Variants in TMEFF2 observed in about 807,000 individuals in gnomAD.
The protein encoded by TMEFF2 is transmembrane protein with EGF like and two follistatin like domains 2.
Under a neutral mutation model 53.8 loss-of-function variants are expected in TMEFF2, and 28 were observed. That is an observed-to-expected ratio of 0.52 (90% CI 0.39 to 0.71). The LOEUF is 0.71. TMEFF2 is among the 30% of genes least tolerant of loss of function. The pLI, the probability that TMEFF2 is intolerant of heterozygous loss-of-function variation, is 0.00. For synonymous variants in TMEFF2, 162 were observed against 166.3 expected, an observed-to-expected ratio of 0.97 and a Z score of 0.20; for missense variants, 353 against 455.2, an observed-to-expected ratio of 0.78 and a Z score of 2.04.
intron 5 of TMEFF2, among the ~76,000 whole-genome samples, chr2:192,054,204 C>T (rs1234543850): frequency 1.3e-5 from 2 of 151,486 alleles, no homozygotes; most frequent in Non-Finnish European, 2.9e-5. Context: ...CAAGAGCTAA[C>T]TGATTTAGCA....
At chr2:192,003,928 T>TTGG (rs1553512503) in intron 5 of TMEFF2, among the ~76,000 whole-genome samples, 2 of 119,218 alleles carry the variant, frequency 1.7e-5, no homozygotes, top group African/African-American at 6.4e-5. Context: ...TGTGTGTGTG[T>TTGG]GGGGGGGGGG....
At chr2:192,065,457 T>A (rs568886823) in intron 4 of TMEFF2, among the ~76,000 whole-genome samples, 10 of 151,850 alleles carry the variant, frequency 6.6e-5, no homozygotes, top group African/African-American at 2.4e-4. Flanking sequence ...GACACAAAAA[T>A]ACTGGTTCTA....
chr2:192,011,263 A>G (rs182805588), intron 5 of TMEFF2, among the ~76,000 whole-genome samples: 1 of 152,312 alleles, frequency 6.6e-6, no homozygotes, highest in Non-Finnish European at 1.5e-5. Flanking sequence ...GACATTAAAG[A>G]AATGCTGAAA....
chr2:192,121,867 G>A (rs1689561737), intron 4 of TMEFF2, among the ~76,000 whole-genome samples: 1 of 152,120 alleles, frequency 6.6e-6, no homozygotes, highest in African/African-American at 2.4e-5. Flanking sequence ...TCTCAGAAAA[G>A]AAGATTCAGC....
rs146472848 is a variant in TMEFF2 at position 192,084,526 on chromosome 2, A to G, written c.440-26751T>C. ...ACCCAAAGTGGAAGGACTCTTACTG[A>G]AGAGAAGAAAAAGATAAAATCACAT... is the stretch of plus-strand genomic sequence containing the variant. On this transcript the variant is annotated intron_variant, in intron 4 of 9. Transcript: ENST00000272771. Among the ~76,000 whole-genome samples, 701 of 152,284 alleles carry G rather than the reference A, an allele frequency of 4.6e-3. 2 individuals carry two copies. The highest frequency in any genetic ancestry group is 8.5e-3 in the South Asian group (41 of 4,826).
chr2:192,141,312 G>T (rs1427839133), intron 4 of TMEFF2, among the ~76,000 whole-genome samples: 1 of 151,950 alleles, frequency 6.6e-6, no homozygotes, highest in Non-Finnish European at 1.5e-5. Context: ...AATTAGCCGG[G>T]CATGGTGGTG....
chr2:192,090,370 A>G (rs1688763655), intron 4 of TMEFF2, among the ~76,000 whole-genome samples: 3 of 152,184 alleles, frequency 2.0e-5, no homozygotes, highest in Admixed American at 2.0e-4. Flanking sequence ...TTAAGTGTGG[A>G]AAAAATGTAC....
At chr2:192,025,925 T>A (rs1686961002) in intron 5 of TMEFF2, among the ~76,000 whole-genome samples, 1 of 152,230 alleles carries the variant, frequency 6.6e-6, no homozygotes, top group Admixed American at 6.5e-5. Flanking sequence ...AACACATTTA[T>A]TTCTAAACTG....
intron 4 of TMEFF2, among the ~76,000 whole-genome samples, chr2:192,120,577 T>C (rs948314325): frequency 4.6e-5 from 7 of 152,198 alleles, no homozygotes; most frequent in Non-Finnish European, 1.0e-4. Flanking sequence ...TTGTGGAGAC[T>C]TTCTCTTCCC....
chr2:192,156,898 C>T (rs555668646), intron 4 of TMEFF2, among the ~76,000 whole-genome samples: 3 of 151,934 alleles, frequency 2.0e-5, no homozygotes, highest in Admixed American at 1.3e-4. Context: ...GAATTAAGGT[C>T]GAGAGAGGTT....
At chr2:192,190,833 A>G (rs1447002977) in intron 2 of TMEFF2, among the ~76,000 whole-genome samples, 2 of 152,118 alleles carry the variant, frequency 1.3e-5, no homozygotes, top group East Asian at 3.9e-4. Context: ...AATATTACTT[A>G]TTAACCAGAT....
At chr2:191,978,655 A>G (rs1290103441) in intron 7 of TMEFF2, among the ~76,000 whole-genome samples, 1 of 152,108 alleles carries the variant, frequency 6.6e-6, no homozygotes, top group Non-Finnish European at 1.5e-5. Flanking sequence ...TCCCTTATAA[A>G]TATGCTATAT....
At chr2:192,193,541 A>G (rs908982172) in intron 1 of TMEFF2, among the ~76,000 whole-genome samples, 2 of 152,122 alleles carry the variant, frequency 1.3e-5, no homozygotes, top group African/African-American at 2.4e-5. Context: ...GTCAGCGCCC[A>G]CTGAAGTCGG....
At chr2:191,984,719 A>T (rs1195150645) in intron 7 of TMEFF2, among the ~76,000 whole-genome samples, 1 of 152,116 alleles carries the variant, frequency 6.6e-6, no homozygotes, top group Admixed American at 6.6e-5. Flanking sequence ...ATTAGTTAGA[A>T]ACCCATTAGG....
chr2:192,132,958 A>G (rs918367112), intron 4 of TMEFF2, among the ~76,000 whole-genome samples: 1 of 152,142 alleles, frequency 6.6e-6, no homozygotes, highest in Non-Finnish European at 1.5e-5. Context: ...TAACTCTCAC[A>G]GTGGAAAGTA....
At chr2:192,141,367 C>T (rs1325265009) in intron 4 of TMEFF2, among the ~76,000 whole-genome samples, 3 of 149,356 alleles carry the variant, frequency 2.0e-5, no homozygotes, top group Non-Finnish European at 3.0e-5. Flanking sequence ...GCAGTGGAAT[C>T]GTTTGAGCCC....
At chr2:192,046,276 A>T (rs186050608) in intron 5 of TMEFF2, among the ~76,000 whole-genome samples, 26 of 152,292 alleles carry the variant, frequency 1.7e-4, no homozygotes, top group African/African-American at 6.0e-4. Flanking sequence ...AGACAGGAGA[A>T]TTGCTTGAAC....
intron 4 of TMEFF2, among the ~76,000 whole-genome samples, chr2:192,072,806 A>G (rs1688321917): frequency 6.6e-6 from 1 of 151,916 alleles, no homozygotes; most frequent in African/African-American, 2.4e-5. Context: ...GGGAGAGGAA[A>G]AGAGATTTAG....
chr2:192,148,901 A>AT (rs958278002), intron 4 of TMEFF2, among the ~76,000 whole-genome samples: 4 of 151,932 alleles, frequency 2.6e-5, no homozygotes, highest in African/African-American at 9.7e-5. Context: ...CTAAAGTGGA[A>AT]TTTTTTTTAA....
Sources: gnomAD v4.1 joint callset for allele counts (sites outside exome capture counted in the v4.1 genomes callset) on GRCh38, gnomAD v4.1.1 for gene constraint, MANE v1.5 for transcripts, NCBI Gene and HGNC (gene_info 2026-07-23, HGNC 2026-07-21) for gene names.